TULP3: variants seen among roughly 807,000 people sequenced by gnomAD.
TULP3 encodes the protein TUB like protein 3.
In TULP3, 38 loss-of-function variants were observed where a neutral mutation model predicts 50.7. That is an observed-to-expected ratio of 0.75 (90% CI 0.58 to 0.98). TULP3 has a LOEUF of 0.98. Ranked by LOEUF, TULP3 falls within the 50% of genes least tolerant of loss-of-function variation. The pLI is 0.00. For missense variants in TULP3, 550 were observed against 568.0 expected (o/e 0.97, Z 0.32); for synonymous variants, 183 against 196.6 (o/e 0.93, Z 0.58).
intron 1 of TULP3, among the ~76,000 whole-genome samples, chr12:2,895,366 C>A (rs1390570261): frequency 6.6e-6 from 1 of 152,174 alleles, no homozygotes; most frequent in Admixed American, 6.6e-5. Flanking sequence ...GGCCGTCTTT[C>A]AAGTAGAGGA....
At chr12:2,932,377 G>A (rs1257023458) in intron 6 of TULP3, among the ~76,000 whole-genome samples, 4 of 151,980 alleles carry the variant, frequency 2.6e-5, no homozygotes, top group Admixed American at 2.0e-4. Context: ...ACATGAGCTC[G>A]AGACCAGCTT....
chr12:2,929,227 G>C (rs901602501), intron 4 of TULP3, among the ~76,000 whole-genome samples: 2 of 151,986 alleles, frequency 1.3e-5, no homozygotes, highest in African/African-American at 2.4e-5. Flanking sequence ...TGAGGCAGGA[G>C]AGTGGCGTGA....
chr12:2,906,958 A>G (rs1176913559), intron 1 of TULP3, among the ~76,000 whole-genome samples: 1 of 152,036 alleles, frequency 6.6e-6, no homozygotes, highest in East Asian at 1.9e-4. Flanking sequence ...TAAAAAATGA[A>G]ACTACTAGTC....
intron 4 of TULP3, among the ~76,000 whole-genome samples, chr12:2,923,949 C>A (rs1021162847): frequency 6.6e-6 from 1 of 152,116 alleles, no homozygotes; most frequent in Non-Finnish European, 1.5e-5. Context: ...CCACTGCACT[C>A]CAGCCTGGGT....
intron 2 of TULP3, among the ~76,000 whole-genome samples, chr12:2,913,201 TTGTG>T (rs138018559): frequency 6.8e-6 from 1 of 146,570 alleles, no homozygotes; most frequent in African/African-American, 2.5e-5. Flanking sequence ...TATGTTGAGT[TTGTG>T]TGTGTGTGTG....
intron 4 of TULP3, 104 bp downstream of exon 4, chr12:2,922,506 C>G (rs112096703): frequency 6.9e-7 from 1 of 1,449,916 alleles, no homozygotes; most frequent in African/African-American, 1.4e-5. Context: ...GAAAATGACT[C>G]ATGGCTTAGG....
chr12:2,931,050 C>G lies in TULP3; in HGVS notation c.506C>G (p.Ser169Cys), dbSNP rs200507827. The G allele has an allele frequency of 6.2e-7, 1 of 1,614,078 alleles. No individual in the cohort carries two copies. ...CTGTCCTTTCAGGATACAGGCACTT[C>G]CGGTTCTGCTACTGCCGCCCAACCA... ...SSQNSTDTGT[S>C]GSATAAQPAD... Residue 169 changes from serine to cysteine, a missense_variant, in exon 6 of 11, where the codon TCC (serine) becomes TGC (cysteine). Ser to Cys is a moderately radical substitution (Grantham distance 112, BLOSUM62 -1). Transcript: ENST00000448120.
chr12:2,920,883 G>A lies in TULP3; in HGVS notation c.214G>A (p.Val72Met), dbSNP rs376106577. The A allele has an allele frequency of 1.1e-4, 174 of 1,614,022 alleles. No individual in the cohort carries two copies. The highest frequency in any genetic ancestry group is 1.4e-4 in the Non-Finnish European group (168 of 1,180,040). ...PRASDEQTPL[V>M]NCHTPHSNVI... ...GGCCAGTGATGAGCAGACTCCCTTG[G>A]TGAACTGTCATACTCCCCACAGCAA... The change falls in exon 3 of 11, where the codon GTG becomes ATG. Residue 72 changes from valine (V) to methionine (M), a missense_variant. Val to Met is a conservative substitution (Grantham distance 21). Coordinates refer to ENST00000448120, the MANE Select transcript of TULP3 (RefSeq NM_003324.5).
intron 4 of TULP3, among the ~76,000 whole-genome samples, chr12:2,929,090 G>C (rs1043543853): frequency 2.8e-4 from 42 of 151,650 alleles, no homozygotes; most frequent in African/African-American, 9.7e-4. Context: ...GGGCCGAGAC[G>C]GGCGGATCAC....
At chr12:2,899,851 C>G (rs1386645519) in intron 1 of TULP3, among the ~76,000 whole-genome samples, 1 of 143,358 alleles carries the variant, frequency 7.0e-6, no homozygotes, top group East Asian at 2.1e-4. Flanking sequence ...AGAGCTCATG[C>G]CACTGCACTC....
At position 2,900,876 on chromosome 12, in the gene TULP3, CTTTTTTTTTT is replaced by C. The variant is rs57315328; in HGVS notation, c.42-8643_42-8634del. Among the ~76,000 whole-genome samples, 17 of 127,316 alleles carry C rather than the reference CTTTTTTTTTT, an allele frequency of 1.3e-4. No individual in the cohort carries two copies. The East Asian group carries it at 4.0e-3, about 30-fold the overall frequency. The allele number at this position is 127,316 out of a possible 152,430, so 83.5% of individuals were successfully genotyped here. ...AGGCATGCGCAACCAAGCCGAAATA[CTTTTTTTTTT>C]TTTTTTTTTGTAGAGACGGTTTCAC... On this transcript the variant is annotated intron_variant, in intron 1 of 10. Transcript: ENST00000448120.
intron 1 of TULP3, among the ~76,000 whole-genome samples, chr12:2,904,282 T>C (rs759210185): frequency 6.6e-6 from 1 of 152,198 alleles, no homozygotes; most frequent in Non-Finnish European, 1.5e-5. Flanking sequence ...CTGTACACTG[T>C]GCAGTGTTGT....
chr12:2,903,793 G>T (rs10848727), intron 1 of TULP3, among the ~76,000 whole-genome samples: 72,263 of 151,432 alleles, frequency 0.48, 17,657 homozygotes, highest in African/African-American at 0.6. Context: ...TTGTTTGTTT[G>T]TTTTGAGATG....
chr12:2,917,648 C>T (rs1591530687), intron 2 of TULP3, among the ~76,000 whole-genome samples: 1 of 151,592 alleles, frequency 6.6e-6, no homozygotes, highest in African/African-American at 2.4e-5. Context: ...GAGGCCAAGG[C>T]GGGCGGATCA....
At chr12:2,897,455 A>G (rs140040066) in intron 1 of TULP3, among the ~76,000 whole-genome samples, 1 of 152,280 alleles carries the variant, frequency 6.6e-6, no homozygotes, top group East Asian at 1.9e-4. Flanking sequence ...CATTTGTAGT[A>G]TTAAGAAGTA....
At chr12:2,923,149 A>G (rs951816009) in intron 4 of TULP3, among the ~76,000 whole-genome samples, 1 of 151,890 alleles carries the variant, frequency 6.6e-6, no homozygotes, top group African/African-American at 2.4e-5. Context: ...GTGAGCCACC[A>G]CGCCCAGCCG....
rs769598549 is a variant in TULP3 at position 2,920,764 on chromosome 12, G to A, written c.95G>A (p.Arg32Lys). The change falls in exon 3 of 11, where the codon AGG becomes AAG. Residue 32 changes from arginine to lysine, a missense_variant and splice_region_variant. Coordinates refer to ENST00000448120, the MANE Select transcript of TULP3 (RefSeq NM_003324.5). ...KMRQAKLDYQ[R>K]LLLEKRQRKK... ...GCTGTCATATCGCTTTTTTCCCAGAGGCTACTACTTGAGAAGAGGCAAAGG... is the reference window on the plus strand; with the variant it reads ...GCTGTCATATCGCTTTTTTCCCAGAAGCTACTACTTGAGAAGAGGCAAAGG... 1.2e-5 allele frequency: 20 copies of A among 1,613,722 alleles called. No individual in the cohort carries two copies. The East Asian group carries it at 4.2e-4, about 34-fold the overall frequency.
At chr12:2,912,764 A>G (rs1364806129) in intron 2 of TULP3, among the ~76,000 whole-genome samples, 4 of 152,322 alleles carry the variant, frequency 2.6e-5, no homozygotes, top group Middle Eastern at 3.4e-3. Context: ...CGATCGGGAC[A>G]TAGCTTGGTA....
chr12:2,903,581 AAAG>A (rs1416282464), intron 1 of TULP3, among the ~76,000 whole-genome samples: 1 of 151,942 alleles, frequency 6.6e-6, no homozygotes, highest in African/African-American at 2.4e-5. Context: ...AAAAAAGAAA[AAAG>A]AAAAAAATGA....
Sources: allele counts gnomAD v4.1 joint callset (sites outside exome capture counted in the v4.1 genomes callset), GRCh38; gene constraint gnomAD v4.1.1; transcripts MANE v1.5; gene names NCBI Gene and HGNC (gene_info 2026-07-23, HGNC 2026-07-21).